Variants in TUBA1B observed in about 807,000 individuals in gnomAD.
The protein encoded by TUBA1B is tubulin alpha-1B chain.
TUBA1B carries 1 observed loss-of-function variant against 34.4 expected under a neutral mutation model. That is an observed-to-expected ratio of 0.03 (90% CI 0.01 to 0.14). The LOEUF is 0.14. TUBA1B is among the 10% of genes least tolerant of loss of function. The probability of loss-of-function intolerance (pLI) is 1.00; values close to 1 mark genes in which losing one functional copy is unlikely to be tolerated. For missense variants in TUBA1B, 54 were observed against 583.6 expected (o/e 0.09, Z 9.35); for synonymous variants, 197 against 212.5 (o/e 0.93, Z 0.64).
chr12:49,127,837 A>G lies in TUBA1B; in HGVS notation c.*121T>C. ...TGATGGAAAAATATTACAGGTACAC[A>G]TGGAAAAGACATGATCACCAAGTGA... is the stretch of plus-strand genomic sequence containing the variant. On this transcript the variant is annotated 3_prime_UTR_variant, in exon 4 of 4. Coordinates refer to ENST00000336023, the MANE Select transcript of TUBA1B (RefSeq NM_006082.3). 3 of 1,444,324 alleles carry G rather than the reference A, an allele frequency of 2.1e-6. No homozygotes were observed. The highest frequency in any genetic ancestry group is 1.8e-4 in the Middle Eastern group (1 of 5,512). 89.5% of individuals were successfully genotyped at this position (1,444,324 alleles called of 1,614,324 possible).
chr12:49,129,669 G>A lies in TUBA1B; in HGVS notation c.57C>T (p.Ala19=). 2.5e-6 allele frequency: 4 copies of A among 1,614,258 alleles called. No individual in the cohort carries two copies. Among genetic ancestry groups the A allele is most frequent in the Non-Finnish European group, 3.4e-6 (4 of 1,180,050 alleles). Residue 19 remains alanine (A), a synonymous_variant, in exon 2 of 4, where the codon GCC becomes GCT. Coordinates refer to ENST00000336023, the MANE Select transcript of TUBA1B (RefSeq NM_006082.3). ...GTTCCAGGCAGTAGAGCTCCCAGCA[G>A]GCATTGCCAATCTGGACACCAGCCT... is the stretch of plus-strand genomic sequence containing the variant. ...VGQAGVQIGN[A]CWELYCLEHG...
chr12:49,129,758 A>C, intron 1 of TUBA1B, 36 bp from the exon 2 acceptor site: 1 of 1,613,438 alleles, frequency 6.2e-7, no homozygotes, highest in Non-Finnish European at 8.5e-7. Flanking sequence ...AATTTAAACC[A>C]ATCTATTGAT....
chr12:49,130,304 C>A (rs1375856431), intron 1 of TUBA1B: 101 of 1,289,100 alleles, frequency 7.8e-5, no homozygotes, highest in Non-Finnish European at 9.7e-5. Context: ...GCCAGACCAG[C>A]GCAGAAGAAA....
At chr12:49,129,466 A>G in intron 2 of TUBA1B, 34 bp downstream of exon 2, 3 of 1,613,824 alleles carry the variant, frequency 1.9e-6, no homozygotes, top group Non-Finnish European at 2.5e-6. Context: ...CTGTCCCAGC[A>G]TCCTGGGATC....
Position 49,128,144 on chromosome 12 carries a change from G to T in TUBA1B, c.1170C>A (p.Arg390=), listed in dbSNP as rs1437520363. The change falls in exon 4 of 4, where the codon CGC becomes CGA. Residue 390 remains arginine, a synonymous_variant. Transcript: ENST00000336023. The surrounding 1 kb of genome is among the most constrained non-coding windows in gnomAD (Gnocchi z 8.1). ...ACATCAGGTCAAACTTGTGGTCCAG[G>T]CGAGCCCAGGCCTCAGCAATGGCTG... ...NTTAIAEAWA[R]LDHKFDLMYA... 6.2e-7 allele frequency: 1 copy of T among 1,613,980 alleles called. No homozygotes were observed. The highest frequency in any genetic ancestry group is 1.3e-5 in the African/African-American group (1 of 74,894).
chr12:49,129,713 T>C lies in TUBA1B; in HGVS notation c.13A>G (p.Ile5Val). The C allele has an allele frequency of 6.2e-7, 1 of 1,612,480 alleles. No homozygotes were observed. Among genetic ancestry groups the C allele is most frequent in the Non-Finnish European group, 8.5e-7 (1 of 1,179,530 alleles). Residue 5 changes from isoleucine to valine, a missense_variant, in exon 2 of 4, where the codon ATC becomes GTC. Coordinates refer to ENST00000336023, the MANE Select transcript of TUBA1B (RefSeq NM_006082.3). MREC[I>V]SIHVGQAGVQ... ...CCAGCCTGGCCAACGTGGATGGAGA[T>C]GCACTCACGCTGCGGGAAGGAAAAA...
At position 49,128,360 on chromosome 12, in the gene TUBA1B, C is replaced by T. The variant is rs539660871; in HGVS notation, c.954G>A (p.Leu318=). The stretch of plus-strand genomic sequence containing the variant: ...CTTTGGGAACCACGTCACCACGGTA[C>T]AACAGGCAGCAAGCCATGTATTTAC... ...RHGKYMACCL[L]YRGDVVPKDV... is the part of the protein sequence containing the mutation. Residue 318 remains leucine, a synonymous_variant, in exon 4 of 4, where the codon TTG becomes TTA. Transcript: ENST00000336023. The surrounding 1 kb of genome is among the most constrained non-coding windows in gnomAD (Gnocchi z 8.1). The T allele has an allele frequency of 1.2e-4, 186 of 1,613,898 alleles. 2 individuals are homozygous for T. Among genetic ancestry groups the T allele is most frequent in the South Asian group, 9.9e-4 (90 of 91,080 alleles).
intron 1 of TUBA1B, chr12:49,129,940 T>C: frequency 9.6e-7 from 1 of 1,037,974 alleles, no homozygotes; most frequent in East Asian, 2.6e-5. Context: ...ACCACCAAGC[T>C]GGCTAATTTT....
chr12:49,131,318 A>T lies in TUBA1B; in HGVS notation c.-18T>A, dbSNP rs771426191. 6.2e-7 allele frequency: 1 copy of T among 1,610,538 alleles called. No individual in the cohort carries two copies. The highest frequency in any genetic ancestry group is 2.2e-5 in the East Asian group (1 of 44,808). ...CTCACCATAGTGGCTAGGGATTAGGAGGCGAAGGCGACAGGAGCAGACACC... is the reference window on the plus strand; with the variant it reads ...CTCACCATAGTGGCTAGGGATTAGGTGGCGAAGGCGACAGGAGCAGACACC... On this transcript the variant is annotated 5_prime_UTR_variant, in exon 1 of 4. Coordinates refer to ENST00000336023, the MANE Select transcript of TUBA1B (RefSeq NM_006082.3).
intron 1 of TUBA1B, 133 bp from the exon 2 acceptor site, chr12:49,129,855 T>C (rs775647015): frequency 1.5e-5 from 21 of 1,421,560 alleles, no homozygotes; most frequent in Non-Finnish European, 1.8e-5. Context: ...AGTGATGCCA[T>C]CTAGGCTCAC....
intron 3 of TUBA1B, 34 bp downstream of exon 3, chr12:49,129,208 C>A: frequency 6.2e-7 from 1 of 1,612,824 alleles, no homozygotes; most frequent in Non-Finnish European, 8.5e-7. Context: ...AACTATCACA[C>A]CACATTAAAT....
intron 1 of TUBA1B, chr12:49,130,474 A>T (rs1941790448): frequency 1.4e-6 from 1 of 697,202 alleles, no homozygotes; most frequent in African/African-American, 1.8e-5. Context: ...GCCTGCCGGC[A>T]TCGGGCTCAG....
At chr12:49,130,048 A>C (rs983778642) in intron 1 of TUBA1B, 2 of 1,172,438 alleles carry the variant, frequency 1.7e-6, no homozygotes, top group African/African-American at 3.1e-5. Context: ...TTTTCTAAAG[A>C]TCCTTTTCTA....
intron 1 of TUBA1B, chr12:49,130,967 T>C (rs1294024868): frequency 3.7e-6 from 1 of 269,506 alleles, no homozygotes; most frequent in Non-Finnish European, 7.4e-6. Context: ...GGGCATGCGC[T>C]GGAAAGGACT....
chr12:49,130,583 C>T (rs555184205), intron 1 of TUBA1B: 1 of 350,038 alleles, frequency 2.9e-6, no homozygotes, highest in African/African-American at 2.1e-5. Flanking sequence ...CCCTTACTGC[C>T]ACCACCTGCT....
Position 49,131,364 on chromosome 12 carries a change from G to A in TUBA1B, c.-64C>T, listed in dbSNP as rs1047985839. On this transcript the variant is annotated 5_prime_UTR_variant, in exon 1 of 4. Coordinates refer to ENST00000336023, the MANE Select transcript of TUBA1B (RefSeq NM_006082.3). Reference sequence around the variant, plus strand: ...ACACCGGGTCCCGGTTACCGTCCCCGACAAGCTAAGAGTCGAGGTAAGTAA... The same window carrying A: ...ACACCGGGTCCCGGTTACCGTCCCCAACAAGCTAAGAGTCGAGGTAAGTAA... 108 of 1,590,530 alleles carry A rather than the reference G, an allele frequency of 6.8e-5. No individual in the cohort carries two copies. The highest frequency in any genetic ancestry group is 9.4e-5 in the African/African-American group (7 of 74,550).
At chr12:49,129,994 C>A in intron 1 of TUBA1B, 1 of 1,016,164 alleles carries the variant, frequency 9.8e-7, no homozygotes, top group South Asian at 1.8e-5. Flanking sequence ...GTTACCTAGG[C>A]TACTCACGTA....
In TUBA1B at chr12:49,127,805, TGA is replaced by T. The variant is rs961412849; in HGVS notation, c.*151_*152del. 1.2e-4 allele frequency: 152 copies of T among 1,248,680 alleles called. No homozygotes were observed. The Middle Eastern group carries it at 2.6e-3, about 21-fold the overall frequency. 77.4% of individuals were successfully genotyped at this position (1,248,680 alleles called of 1,614,324 possible). ...GCTTTTGATGTTAATGACTTTACTT[TGA>T]GATATGATGGAAAAATATTACAGGT... is the stretch of plus-strand genomic sequence containing the variant. On this transcript the variant is annotated 3_prime_UTR_variant, in exon 4 of 4. Coordinates refer to ENST00000336023, the MANE Select transcript of TUBA1B (RefSeq NM_006082.3).
rs199627080 is a variant in TUBA1B at position 49,131,354 on chromosome 12, T to C, written c.-54A>G. 2.2e-5 allele frequency: 36 copies of C among 1,604,044 alleles called. No individual in the cohort carries two copies. Among genetic ancestry groups the C allele is most frequent in the Non-Finnish European group, 3.0e-5 (35 of 1,174,922 alleles). ...ACAGGAGCAGACACCGGGTCCCGGT[T>C]ACCGTCCCCGACAAGCTAAGAGTCG... On this transcript the variant is annotated 5_prime_UTR_variant, in exon 1 of 4. Coordinates refer to ENST00000336023, the MANE Select transcript of TUBA1B (RefSeq NM_006082.3).
Sources: allele counts gnomAD v4.1 joint callset, GRCh38; gene constraint gnomAD v4.1.1; non-coding constraint Gnocchi (gnomAD v3.1); transcripts MANE v1.5; gene names NCBI Gene and HGNC (gene_info 2026-07-23, HGNC 2026-07-21).